The following PCNX2 variants were observed in gnomAD, a reference collection of about 807,000 sequenced individuals.
PCNX2 encodes pecanex 2, also known as pecanex-like protein 2.
PCNX2 carries 168 observed loss-of-function variants against 223.8 expected under a neutral mutation model. That is an observed-to-expected ratio of 0.75 (90% CI 0.66 to 0.85). The LOEUF (loss-of-function observed/expected upper bound fraction) is 0.85, where lower values mean the gene tolerates loss of function less well. Ranked by LOEUF, PCNX2 falls within the 40% of genes least tolerant of loss-of-function variation. PCNX2 has a pLI of 0.00. For missense variants in PCNX2, 2,507 were observed against 2,675.5 expected, an observed-to-expected ratio of 0.94 and a Z score of 1.39; for synonymous variants, 1,006 against 1,052.6, an observed-to-expected ratio of 0.96 and a Z score of 0.86.
chr1:233,151,444 A>T (rs1044303907), intron 19 of PCNX2, among the ~76,000 whole-genome samples: 1 of 152,232 alleles, frequency 6.6e-6, no homozygotes, highest in African/African-American at 2.4e-5. Context: ...ACCATTGTGC[A>T]TATATTGCAC....
intron 21 of PCNX2, among the ~76,000 whole-genome samples, chr1:233,124,253 G>A (rs562958757): frequency 5.1e-4 from 78 of 152,278 alleles, no homozygotes; most frequent in African/African-American, 1.6e-3. Flanking sequence ...ATGGGATGCC[G>A]TAGGGTATGA....
At position 233,175,833 on chromosome 1, in the gene PCNX2, T is replaced by C. The variant is rs146175097; in HGVS notation, c.3273+1969A>G. Among the ~76,000 whole-genome samples, 34 of 152,290 alleles carry C rather than the reference T, an allele frequency of 2.2e-4. No homozygotes were observed. In the East Asian group the frequency reaches 5.8e-3, roughly 26 times the overall value. On this transcript the variant is annotated intron_variant, in intron 17 of 33. Transcript: ENST00000258229. ...TAAGTGATTTGTCCTTTGATTCCCT[T>C]GTAGTGGAAAAAAAGCCTTAATACT...
intron 13 of PCNX2, among the ~76,000 whole-genome samples, chr1:233,204,716 G>C (rs1681345043): frequency 6.6e-6 from 1 of 152,140 alleles, no homozygotes; most frequent in South Asian, 2.1e-4. Context: ...GTGCAAATTA[G>C]TATGTTTAAC....
intron 17 of PCNX2, among the ~76,000 whole-genome samples, chr1:233,162,378 G>A (rs1251208187): frequency 3.3e-5 from 5 of 152,096 alleles, no homozygotes; most frequent in South Asian, 2.1e-4. Context: ...TTCTCATATC[G>A]AAGGGATTTA....
chr1:233,138,669 G>C (rs1196022159), intron 20 of PCNX2, among the ~76,000 whole-genome samples: 1 of 152,160 alleles, frequency 6.6e-6, no homozygotes, highest in Non-Finnish European at 1.5e-5. Context: ...TCTAAATCCA[G>C]TGAAACTAAT....
chr1:233,017,263 T>G, intron 26 of PCNX2, 109 bp from the exon 27 acceptor site: 1 of 698,760 alleles, frequency 1.4e-6, no homozygotes, highest in Non-Finnish European at 2.2e-6. Context: ...ATCATTTGTA[T>G]GTTCTGCTGG....
In PCNX2 at chr1:233,289,236, G is replaced by C. The variant is rs1459889128; in HGVS notation, c.153+6090C>G. ...TAGCCGGACTTGGATTTTCTGGAAA[G>C]ATTTCAGTTGAGGAACGGGAACAAA... On this transcript the variant is annotated intron_variant, in intron 1 of 33. Transcript: ENST00000258229. The C allele has an allele frequency of 3.2e-6, 3 of 929,182 alleles. No homozygotes were observed. The African/African-American group carries it at 4.8e-5, about 15-fold the overall frequency. The allele number at this position is 929,182 out of a possible 1,614,324, so 57.6% of individuals were successfully genotyped here.
At position 233,042,125 on chromosome 1, in the gene PCNX2, A is replaced by G. The variant is rs114371157; in HGVS notation, c.4351+12143T>C. 3.4e-3 allele frequency among the ~76,000 whole-genome samples: 522 copies of G among 152,338 alleles called. 6 individuals are homozygous for G. Among genetic ancestry groups the G allele is most frequent in the African/African-American group, 0.012 (497 of 41,576 alleles). ...AAAATCCAAAACACTTCTGGTCCCA[A>G]GTATTTCAAATAAAGAATATTCAAC... On this transcript the variant is annotated intron_variant, in intron 25 of 33. Transcript: ENST00000258229.
chr1:233,313,492 A>G, the PCNX2 span, among the ~76,000 whole-genome samples: 2 of 152,188 alleles, frequency 1.3e-5, no homozygotes, highest in Non-Finnish European at 2.9e-5. Flanking sequence ...TTGTACTACA[A>G]CTTAGAAACA....
At chr1:233,178,926 G>C in intron 16 of PCNX2, 140 bp downstream of exon 16, 1 of 630,436 alleles carries the variant, frequency 1.6e-6, no homozygotes, top group East Asian at 2.8e-5. Flanking sequence ...CTCCTCTAGT[G>C]AGTGACCAGC....
chr1:233,073,946 C>T (rs565208773), intron 23 of PCNX2, among the ~76,000 whole-genome samples: 87 of 152,246 alleles, frequency 5.7e-4, no homozygotes, highest in African/African-American at 1.8e-3. Context: ...TAGGCATTTA[C>T]AGCTATGAAT....
At chr1:232,989,173 G>A (rs1320275015) in intron 32 of PCNX2, among the ~76,000 whole-genome samples, 1 of 151,394 alleles carries the variant, frequency 6.6e-6, no homozygotes, top group Non-Finnish European at 1.5e-5. Flanking sequence ...CTGCTCACTC[G>A]GCCGGGCACG....
intron 1 of PCNX2, among the ~76,000 whole-genome samples, chr1:233,269,720 A>C (rs927162629): frequency 2.0e-5 from 3 of 152,210 alleles, no homozygotes; most frequent in African/African-American, 7.2e-5. Context: ...TGAAGCATTA[A>C]TCTGCCAAAC....
At chr1:233,028,048 G>C (rs1671142047) in intron 25 of PCNX2, among the ~76,000 whole-genome samples, 1 of 152,134 alleles carries the variant, frequency 6.6e-6, no homozygotes, top group South Asian at 2.1e-4. Flanking sequence ...GAATTTTTAT[G>C]ATGTACATTT....
chr1:233,185,401 T>C (rs1023381456), intron 15 of PCNX2, among the ~76,000 whole-genome samples: 4 of 152,130 alleles, frequency 2.6e-5, no homozygotes, highest in African/African-American at 9.7e-5. Context: ...CAGTGCTCCA[T>C]GTACCCCACC....
chr1:233,179,091 G>A lies in PCNX2; in HGVS notation c.3151C>T (p.Gln1051Ter). The change falls in exon 16 of 34, where the codon CAG becomes TAG. Residue 1051 changes from glutamine (Q) to a stop codon, truncating the protein, a stop_gained. Transcript: ENST00000258229. LOFTEE classifies it high-confidence loss of function. ...ATGAGTACAGATGGGTCACTGCTCT[G>A]ACGGCTCAGATGGTAAGAAAGGGCG... ...LVALSYHLSR[Q>*]SSDPSVLMSF... 1 of 1,613,796 alleles carries A rather than the reference G, an allele frequency of 6.2e-7. No homozygotes were observed. The highest frequency in any genetic ancestry group is 8.5e-7 in the Non-Finnish European group (1 of 1,179,802).
chr1:233,053,952 C>A (rs1004532041), intron 25 of PCNX2, among the ~76,000 whole-genome samples: 1 of 152,162 alleles, frequency 6.6e-6, no homozygotes, highest in Non-Finnish European at 1.5e-5. Flanking sequence ...CCATTTGGAA[C>A]CCCAAATGAT....
rs79140674 is a variant in PCNX2, at chr1:233,214,175, G to A, written c.2691+3724C>T. On this transcript the variant is annotated intron_variant, in intron 12 of 33. Coordinates refer to ENST00000258229, the MANE Select transcript of PCNX2 (RefSeq NM_014801.4). ...CCAACTGATGTTATTCTGATTATCC[G>A]TATTTTGCACAAACACAAAAATACT... is the stretch of plus-strand genomic sequence containing the variant. Among the ~76,000 whole-genome samples, 619 of 152,152 alleles carry A rather than the reference G, an allele frequency of 4.1e-3. 1 individual carries two copies. The highest frequency in any genetic ancestry group is 0.014 in the African/African-American group (575 of 41,508).
intron 5 of PCNX2, among the ~76,000 whole-genome samples, chr1:233,257,650 A>T (rs1659806681): frequency 6.6e-6 from 1 of 152,264 alleles, no homozygotes; most frequent in Non-Finnish European, 1.5e-5. Context: ...TTCACTTCAC[A>T]GAAATTTGTC....
Sources: allele counts gnomAD v4.1 joint callset (sites outside exome capture counted in the v4.1 genomes callset), GRCh38; gene constraint gnomAD v4.1.1; transcripts MANE v1.5; gene names NCBI Gene and HGNC (gene_info 2026-07-23, HGNC 2026-07-21).